AGMO: variants seen among roughly 807,000 people sequenced by gnomAD.
AGMO encodes the protein alkylglycerol monooxygenase, also known as glyceryl-ether monooxygenase.
In AGMO, 75 loss-of-function variants were observed where a neutral mutation model predicts 60.2. That is an observed-to-expected ratio of 1.25 (90% CI 1.03 to 1.51). AGMO has a LOEUF of 1.51. AGMO is among the 40% of genes most tolerant of loss of function. The pLI is 0.00. For synonymous variants in AGMO, 261 were observed against 177.1 expected, an observed-to-expected ratio of 1.47 and a Z score of -3.76; for missense variants, 763 against 525.5, an observed-to-expected ratio of 1.45 and a Z score of -4.42.
At chr7:15,307,815 C>G (rs1302730541) in intron 12 of AGMO, among the ~76,000 whole-genome samples, 1 of 152,026 alleles carries the variant, frequency 6.6e-6, no homozygotes, top group Non-Finnish European at 1.5e-5. Flanking sequence ...CATCTCAGTG[C>G]AAATATGGAC....
Position 15,225,015 on chromosome 7 carries a change from G to A in AGMO, c.1264-23656C>T, listed in dbSNP as rs371614949. The stretch of plus-strand genomic sequence containing the variant: ...AAATGTCCTAATTCACAGGTAGAAG[G>A]AAGAGTTTGGGGAGACATCATTAAC... On this transcript the variant is annotated intron_variant, in intron 12 of 12. Transcript: ENST00000342526. Among the ~76,000 whole-genome samples, 25 of 152,030 alleles carry A rather than the reference G, an allele frequency of 1.6e-4. No homozygotes were observed. In the South Asian group the frequency reaches 5.2e-3, roughly 32 times the overall value.
chr7:15,367,512 C>T (rs1783034290), intron 10 of AGMO, among the ~76,000 whole-genome samples: 1 of 151,964 alleles, frequency 6.6e-6, no homozygotes, highest in East Asian at 1.9e-4. Flanking sequence ...CTTTTTCCAT[C>T]ATTACACAGA....
At chr7:15,256,600 G>T (rs141708036) in intron 12 of AGMO, among the ~76,000 whole-genome samples, 1 of 152,142 alleles carries the variant, frequency 6.6e-6, no homozygotes, top group Non-Finnish European at 1.5e-5. Context: ...CTGACCTCGT[G>T]TTCCACCCAC....
intron 12 of AGMO, among the ~76,000 whole-genome samples, chr7:15,227,024 C>A (rs1238290319): frequency 6.6e-6 from 1 of 151,904 alleles, no homozygotes; most frequent in Non-Finnish European, 1.5e-5. Flanking sequence ...TTGAAAAATC[C>A]AGACAAACGC....
intron 5 of AGMO, among the ~76,000 whole-genome samples, chr7:15,395,832 G>A (rs965338852): frequency 2.6e-5 from 4 of 152,094 alleles, no homozygotes; most frequent in African/African-American, 4.8e-5. Context: ...ATCTAGGAGC[G>A]TTTGTTTTTT....
chr7:15,372,434 C>T (rs750932011), intron 10 of AGMO, among the ~76,000 whole-genome samples: 4 of 152,060 alleles, frequency 2.6e-5, no homozygotes, highest in African/African-American at 4.8e-5. Context: ...CCAGCCTGTG[C>T]GTCACAGCGA....
intron 12 of AGMO, among the ~76,000 whole-genome samples, chr7:15,256,509 C>T (rs1016944486): frequency 6.6e-6 from 1 of 151,896 alleles, no homozygotes; most frequent in Non-Finnish European, 1.5e-5. Flanking sequence ...CGCCTGGTGT[C>T]GTGTGACGTG....
chr7:15,388,617 T>C (rs1784018010), intron 8 of AGMO, among the ~76,000 whole-genome samples: 1 of 152,108 alleles, frequency 6.6e-6, no homozygotes, highest in African/African-American at 2.4e-5. Flanking sequence ...GCTCTGAAAA[T>C]GTGTGATGAC....
At chr7:15,374,281 C>CT (rs1583473375) in intron 10 of AGMO, among the ~76,000 whole-genome samples, 1 of 152,068 alleles carries the variant, frequency 6.6e-6, no homozygotes, top group East Asian at 1.9e-4. Flanking sequence ...CTAAAGCATA[C>CT]TAAGAGGAAT....
At chr7:15,198,243 G>GTGTTAA (rs1781180914), downstream of AGMO, among the ~76,000 whole-genome samples, 2 of 98,692 alleles carry the variant, frequency 2.0e-5, no homozygotes, top group East Asian at 2.4e-4. Context: ...GAGAGAGAGA[G>GTGTTAA]AGAGAGAGAG....
chr7:15,481,375 A>C (rs1335449413), intron 3 of AGMO, among the ~76,000 whole-genome samples: 5 of 152,152 alleles, frequency 3.3e-5, no homozygotes, highest in African/African-American at 1.2e-4. Flanking sequence ...AATCTCTGCC[A>C]AAACCATTAA....
the AGMO span, among the ~76,000 whole-genome samples, chr7:15,170,757 T>G: frequency 6.6e-6 from 1 of 152,150 alleles, no homozygotes; most frequent in African/African-American, 2.4e-5. Context: ...CTCAGGTCCT[T>G]TTCCTGTTCC....
chr7:15,281,007 G>A (rs1259829862), intron 12 of AGMO, among the ~76,000 whole-genome samples: 1 of 152,138 alleles, frequency 6.6e-6, no homozygotes, highest in Admixed American at 6.5e-5. Context: ...ACCACTGGGT[G>A]GCTAGACTCA....
chr7:15,140,364 T>A, the AGMO span, among the ~76,000 whole-genome samples: 1 of 152,116 alleles, frequency 6.6e-6, no homozygotes, highest in Non-Finnish European at 1.5e-5. Context: ...TTTTAAGATA[T>A]TTATTTTTTC....
chr7:15,426,430 C>T (rs550994583), intron 4 of AGMO, among the ~76,000 whole-genome samples: 1 of 152,058 alleles, frequency 6.6e-6, no homozygotes, highest in African/African-American at 2.4e-5. Context: ...TTTTATGGAA[C>T]CAACCAACCA....
intron 12 of AGMO, among the ~76,000 whole-genome samples, chr7:15,233,323 T>C (rs533547302): frequency 3.3e-5 from 5 of 152,140 alleles, no homozygotes; most frequent in Non-Finnish European, 7.4e-5. Context: ...CTTGGCTGGA[T>C]TGGGTATTAG....
intron 5 of AGMO, among the ~76,000 whole-genome samples, chr7:15,416,241 C>T (rs1399098558): frequency 2.0e-5 from 3 of 151,950 alleles, no homozygotes; most frequent in Non-Finnish European, 4.4e-5. Flanking sequence ...ACCATGTTGG[C>T]CAGGCTGGTC....
the AGMO span, among the ~76,000 whole-genome samples, chr7:15,152,206 C>T: frequency 2.0e-5 from 3 of 152,164 alleles, no homozygotes; most frequent in Non-Finnish European, 4.4e-5. Context: ...ATAAAAATAG[C>T]AACACTCTTT....
At chr7:15,414,988 C>A (rs909307164) in intron 5 of AGMO, among the ~76,000 whole-genome samples, 1 of 151,914 alleles carries the variant, frequency 6.6e-6, no homozygotes, top group Non-Finnish European at 1.5e-5. Flanking sequence ...AAAGTTAATT[C>A]AAGAATATCA....
Sources: gnomAD v4.1 joint callset for allele counts (sites outside exome capture counted in the v4.1 genomes callset) on GRCh38, gnomAD v4.1.1 for gene constraint, MANE v1.5 for transcripts, NCBI Gene and HGNC (gene_info 2026-07-23, HGNC 2026-07-21) for gene names.